The following LPGAT1 variants were observed in gnomAD, a reference collection of about 807,000 sequenced individuals.
LPGAT1 encodes acyl-CoA:lysophosphatidylglycerol acyltransferase 1.
In LPGAT1, 11 loss-of-function variants were observed where a neutral mutation model predicts 47.5. The observed-to-expected ratio is 0.23, with a 90% CI of 0.15 to 0.38. LPGAT1 has a LOEUF of 0.38. LPGAT1 is among the 10% of genes least tolerant of loss of function. The pLI is 1.00. For synonymous variants in LPGAT1, 138 were observed against 144.2 expected, an observed-to-expected ratio of 0.96 and a Z score of 0.31; for missense variants, 293 against 439.0, an observed-to-expected ratio of 0.67 and a Z score of 2.97.
At chr1:211,771,905 A>C (rs554036214) in intron 6 of LPGAT1, among the ~76,000 whole-genome samples, 1 of 152,322 alleles carries the variant, frequency 6.6e-6, no homozygotes, top group South Asian at 2.1e-4. Context: ...ACTTGAAGAC[A>C]TTAAGAGTCT....
chr1:211,789,002 T>G (rs1372382425), intron 3 of LPGAT1, among the ~76,000 whole-genome samples: 1 of 152,244 alleles, frequency 6.6e-6, no homozygotes, highest in Non-Finnish European at 1.5e-5. Context: ...GTTTTCCAGC[T>G]ACACAACTCC....
At chr1:211,810,938 T>C (rs543954742) in intron 2 of LPGAT1, among the ~76,000 whole-genome samples, 2 of 152,336 alleles carry the variant, frequency 1.3e-5, no homozygotes, top group Non-Finnish European at 2.9e-5. Flanking sequence ...TCCTGTTTTA[T>C]CACCACACAG....
rs939507778 is a variant in LPGAT1 at position 211,793,011 on chromosome 1, A to G, written c.357+61T>C. The G allele has an allele frequency of 1.7e-5, 20 of 1,201,656 alleles. 1 individual carries two copies. The highest frequency in any genetic ancestry group is 1.1e-4 in the Admixed American group (5 of 46,866). The allele number at this position is 1,201,656 out of a possible 1,614,324, so 74.4% of individuals were successfully genotyped here. On this transcript the variant is annotated intron_variant, in intron 3 of 7. Transcript: ENST00000366997. ...AGACATGAGCCACCATGCCCGGCCA[A>G]ATGGATTCCTTTTTAACCTTCCTTT...
At chr1:211,825,067 G>A (rs753138620) in intron 2 of LPGAT1, among the ~76,000 whole-genome samples, 3 of 151,732 alleles carry the variant, frequency 2.0e-5, no homozygotes, top group Admixed American at 6.6e-5. Context: ...AAGTCCCCTG[G>A]CATTTCAGCT....
intron 4 of LPGAT1, among the ~76,000 whole-genome samples, chr1:211,784,004 G>A (rs2102539527): frequency 6.6e-6 from 1 of 152,310 alleles, no homozygotes; most frequent in African/African-American, 2.4e-5. Context: ...CTGATAATGT[G>A]AGGGAATAAG....
rs1657151389 is a variant in LPGAT1, at chr1:211,750,947, A to G, written c.961+14T>C. 3 of 1,555,228 alleles carry G rather than the reference A, an allele frequency of 1.9e-6. No individual in the cohort carries two copies. The East Asian group carries it at 6.7e-5, about 35-fold the overall frequency. The stretch of plus-strand genomic sequence containing the variant: ...TTGCTATAATTTAGCAACTATTTAA[A>G]GGTTACTGTGTACCTGTTTCATAAA... On this transcript the variant is annotated intron_variant, in intron 7 of 7. Transcript: ENST00000366997.
intron 6 of LPGAT1, among the ~76,000 whole-genome samples, chr1:211,752,849 C>T (rs1657264317): frequency 6.6e-6 from 1 of 151,032 alleles, no homozygotes; most frequent in African/African-American, 2.4e-5. Context: ...GCCTAATAAC[C>T]TTTACATTTG....
chr1:211,755,852 G>T (rs1244597009), intron 6 of LPGAT1, among the ~76,000 whole-genome samples: 1 of 152,068 alleles, frequency 6.6e-6, no homozygotes, highest in Non-Finnish European at 1.5e-5. Flanking sequence ...ATACTACATT[G>T]CTCTACAGCA....
At chr1:211,829,549 T>C (rs1571778305) in intron 1 of LPGAT1, 1 of 1,380,684 alleles carries the variant, frequency 7.2e-7, no homozygotes, top group South Asian at 1.6e-5. Flanking sequence ...ACGAAGTATG[T>C]CACAATATAT....
intron 6 of LPGAT1, among the ~76,000 whole-genome samples, chr1:211,777,230 G>C (rs1469527838): frequency 6.6e-6 from 1 of 152,050 alleles, no homozygotes; most frequent in African/African-American, 2.4e-5. Context: ...CCTCTCACAA[G>C]TTTCTTGCAA....
chr1:211,801,287 C>T (rs896720461), intron 2 of LPGAT1, among the ~76,000 whole-genome samples: 1 of 152,184 alleles, frequency 6.6e-6, no homozygotes, highest in Non-Finnish European at 1.5e-5. Context: ...ACAAACCGTA[C>T]TAAAATAATC....
At chr1:211,757,382 G>A (rs1450016394) in intron 6 of LPGAT1, among the ~76,000 whole-genome samples, 3 of 152,126 alleles carry the variant, frequency 2.0e-5, no homozygotes, top group Non-Finnish European at 2.9e-5. Context: ...TTAAGATGGG[G>A]CTAATCATAT....
intron 6 of LPGAT1, among the ~76,000 whole-genome samples, chr1:211,763,080 G>C (rs999288993): frequency 1.3e-5 from 2 of 152,192 alleles, no homozygotes; most frequent in African/African-American, 4.8e-5. Context: ...TTAAATGAGG[G>C]AATGTGTGTA....
At chr1:211,787,493 A>G (rs1658932672) in intron 4 of LPGAT1, 139 bp downstream of exon 4, 2 of 323,642 alleles carry the variant, frequency 6.2e-6, no homozygotes, top group East Asian at 1.1e-4. Flanking sequence ...GTCTCTCAAA[A>G]AAAAAAAAAA....
At chr1:211,825,266 A>C (rs1026669695) in intron 2 of LPGAT1, among the ~76,000 whole-genome samples, 1 of 127,764 alleles carries the variant, frequency 7.8e-6, no homozygotes, top group Admixed American at 1.1e-4. Context: ...ATCACAGCTC[A>C]CTGTAACCTC....
At chr1:211,752,558 T>C (rs965723598) in intron 6 of LPGAT1, among the ~76,000 whole-genome samples, 6 of 152,304 alleles carry the variant, frequency 3.9e-5, no homozygotes, top group African/African-American at 1.4e-4. Context: ...CTACCTCCTT[T>C]ATTGTCCTGT....
chr1:211,816,254 C>T (rs747182573), intron 2 of LPGAT1, among the ~76,000 whole-genome samples: 3 of 152,068 alleles, frequency 2.0e-5, no homozygotes, highest in African/African-American at 4.8e-5. Context: ...CATGTGATTC[C>T]GTGGTTATGA....
chr1:211,800,211 T>G (rs570702402), intron 2 of LPGAT1, among the ~76,000 whole-genome samples: 1 of 142,102 alleles, frequency 7.0e-6, no homozygotes, highest in East Asian at 2.0e-4. Flanking sequence ...TTTTTTTTTG[T>G]ATTTTAGTAG....
intron 4 of LPGAT1, among the ~76,000 whole-genome samples, chr1:211,786,237 C>A (rs544297420): frequency 6.6e-6 from 1 of 152,202 alleles, no homozygotes; most frequent in Admixed American, 6.5e-5. Flanking sequence ...ATGTCCAGTA[C>A]ATAAAACTGT....
Sources: allele counts gnomAD v4.1 joint callset (sites outside exome capture counted in the v4.1 genomes callset), GRCh38; gene constraint gnomAD v4.1.1; transcripts MANE v1.5; gene names NCBI Gene and HGNC (gene_info 2026-07-23, HGNC 2026-07-21).